Variants in GTF2F2 observed in about 807,000 individuals in gnomAD.
GTF2F2 encodes general transcription factor IIF subunit 2.
A neutral mutation model predicts 42.2 loss-of-function variants in GTF2F2; 23 were observed. The ratio of observed to expected loss-of-function variants is 0.55; its 90% CI spans 0.39 to 0.77. GTF2F2 has a LOEUF of 0.77. GTF2F2 is among the 30% of genes least tolerant of loss of function. GTF2F2 has a pLI of 0.00. For missense variants in GTF2F2, 261 were observed against 287.2 expected (o/e 0.91, Z 0.66); for synonymous variants, 105 against 100.8 (o/e 1.04, Z -0.25).
intron 5 of GTF2F2, among the ~76,000 whole-genome samples, chr13:45,229,042 C>G (rs150860381): frequency 6.6e-6 from 1 of 152,044 alleles, no homozygotes; most frequent in East Asian, 1.9e-4. Flanking sequence ...CCACCACATC[C>G]GGCTAATTTT....
chr13:45,194,515 T>C, intron 4 of GTF2F2: 1 of 1,614,154 alleles, frequency 6.2e-7, no homozygotes, highest in Non-Finnish European at 8.5e-7. Context: ...CAGGCTGTTG[T>C]GTTTCCCTTC....
intron 3 of GTF2F2, among the ~76,000 whole-genome samples, chr13:45,150,907 A>G (rs891108898): frequency 6.6e-6 from 1 of 151,854 alleles, no homozygotes; most frequent in African/African-American, 2.4e-5. Flanking sequence ...AAAACATGAA[A>G]ACTGTCTTTT....
intron 4 of GTF2F2, among the ~76,000 whole-genome samples, chr13:45,167,411 T>G (rs1317917579): frequency 6.8e-6 from 1 of 148,016 alleles, no homozygotes; most frequent in Non-Finnish European, 1.5e-5. Context: ...TTTTTTTTTT[T>G]TTTTTGAGAT....
intron 4 of GTF2F2, among the ~76,000 whole-genome samples, chr13:45,176,730 G>C (rs1188762058): frequency 6.6e-6 from 1 of 151,660 alleles, no homozygotes; most frequent in Non-Finnish European, 1.5e-5. Context: ...AAGCTTTTTT[G>C]TATTGTCTTT....
At chr13:45,158,683 G>A (rs952752849) in intron 4 of GTF2F2, among the ~76,000 whole-genome samples, 17 of 152,282 alleles carry the variant, frequency 1.1e-4, no homozygotes, top group African/African-American at 4.1e-4. Flanking sequence ...TTGTATGGCA[G>A]TAGGTTAGCT....
chr13:45,264,796 A>G (rs1253405487), intron 6 of GTF2F2, among the ~76,000 whole-genome samples: 2 of 152,174 alleles, frequency 1.3e-5, no homozygotes, highest in Non-Finnish European at 2.9e-5. Flanking sequence ...TCCACAGCCA[A>G]CTAGAATGTG....
At chr13:45,149,637 G>T in intron 2 of GTF2F2, 133 bp from the exon 3 acceptor site, 2 of 849,796 alleles carry the variant, frequency 2.4e-6, no homozygotes, top group East Asian at 3.3e-5. Flanking sequence ...GGGGAGTCAA[G>T]GGTAAATATT....
intron 1 of GTF2F2, 44 bp from the exon 2 acceptor site, chr13:45,136,689 G>A (rs773564996): frequency 1.0e-6 from 1 of 977,544 alleles, no homozygotes; most frequent in Non-Finnish European, 1.6e-6. Flanking sequence ...TTGAAAAGAT[G>A]TTAGCATCTA....
intron 5 of GTF2F2, among the ~76,000 whole-genome samples, chr13:45,228,900 C>T (rs577798257): frequency 3.9e-4 from 59 of 152,206 alleles, no homozygotes; most frequent in African/African-American, 1.4e-3. Flanking sequence ...GAACTTCCAG[C>T]CTCAGGTGAT....
intron 4 of GTF2F2, among the ~76,000 whole-genome samples, chr13:45,169,643 CAT>C (rs1354405982): frequency 3.3e-5 from 5 of 152,168 alleles, no homozygotes; most frequent in African/African-American, 1.2e-4. Context: ...TTAATTGAAA[CAT>C]AACCTACATT....
chr13:45,272,966 G>T (rs1376199384), intron 7 of GTF2F2, among the ~76,000 whole-genome samples: 2 of 106,570 alleles, frequency 1.9e-5, no homozygotes, highest in Non-Finnish European at 3.5e-5. Flanking sequence ...TCACTCTGTT[G>T]CCCAGGCTGG....
At chr13:45,226,172 A>G (rs1874344070) in intron 5 of GTF2F2, among the ~76,000 whole-genome samples, 2 of 152,172 alleles carry the variant, frequency 1.3e-5, no homozygotes, top group South Asian at 2.1e-4. Context: ...ATTTATAATC[A>G]TGTATCCTTT....
chr13:45,211,630 C>T (rs1466740975), intron 5 of GTF2F2, among the ~76,000 whole-genome samples: 1 of 149,962 alleles, frequency 6.7e-6, no homozygotes, highest in Non-Finnish European at 1.5e-5. Context: ...TCTCGTTGCC[C>T]AGGCTAGAGT....
At chr13:45,269,919 C>T (rs934998088) in intron 7 of GTF2F2, among the ~76,000 whole-genome samples, 1 of 152,266 alleles carries the variant, frequency 6.6e-6, no homozygotes, top group South Asian at 2.1e-4. Flanking sequence ...GCAACCTCCA[C>T]CTCCCGAGTT....
chr13:45,232,939 A>G (rs1029833936), intron 5 of GTF2F2, among the ~76,000 whole-genome samples: 4 of 152,252 alleles, frequency 2.6e-5, no homozygotes, highest in African/African-American at 9.6e-5. Flanking sequence ...TACAGTTTCA[A>G]GAATCTGATC....
chr13:45,169,441 C>G (rs1406225984), intron 4 of GTF2F2, among the ~76,000 whole-genome samples: 1 of 152,106 alleles, frequency 6.6e-6, no homozygotes, highest in Non-Finnish European at 1.5e-5. Context: ...ACTTCAGCCC[C>G]CAGTACTATG....
chr13:45,210,393 A>C (rs1179941970), intron 5 of GTF2F2, among the ~76,000 whole-genome samples: 1 of 152,178 alleles, frequency 6.6e-6, no homozygotes, highest in African/African-American at 2.4e-5. Flanking sequence ...AGATAAATGC[A>C]TGGCTTGCCG....
At chr13:45,235,091 TTGAGAA>T (rs1476905823) in intron 5 of GTF2F2, among the ~76,000 whole-genome samples, 1 of 147,950 alleles carries the variant, frequency 6.8e-6, no homozygotes, top group African/African-American at 2.5e-5. Flanking sequence ...TGAATGTTTA[TTGAGAA>T]GGCTAATAAC....
chr13:45,120,816 T>G, intron 1 of GTF2F2, 95 bp downstream of exon 1: 1 of 849,674 alleles, frequency 1.2e-6, no homozygotes, highest in Non-Finnish European at 1.9e-6. Flanking sequence ...CTTAAAGTTC[T>G]TTTACGGCTA....
Sources: allele counts gnomAD v4.1 joint callset (sites outside exome capture counted in the v4.1 genomes callset), GRCh38; gene constraint gnomAD v4.1.1; transcripts MANE v1.5; gene names NCBI Gene and HGNC (gene_info 2026-07-23, HGNC 2026-07-21).